PMEPA1: variants seen among roughly 807,000 people sequenced by gnomAD.
PMEPA1 encodes the protein prostate transmembrane protein, androgen induced 1.
PMEPA1 carries 11 observed loss-of-function variants against 23.0 expected under a neutral mutation model. The observed-to-expected ratio is 0.48, with a 90% confidence interval of 0.30 to 0.79. The LOEUF is 0.79. Ranked by LOEUF, PMEPA1 falls within the 30% of genes least tolerant of loss-of-function variation. PMEPA1 has a pLI of 0.06. For synonymous variants in PMEPA1, 204 were observed against 166.4 expected, an observed-to-expected ratio of 1.23 and a Z score of -1.74; for missense variants, 377 against 390.9, an observed-to-expected ratio of 0.96 and a Z score of 0.30.
chr20:57,660,415 C>T (rs781376643), intron 1 of PMEPA1, among the ~76,000 whole-genome samples: 2 of 150,316 alleles, frequency 1.3e-5, no homozygotes, highest in Non-Finnish European at 3.0e-5. Flanking sequence ...ACACCCAACA[C>T]TCCTACACAA....
At chr20:57,701,660 G>A (rs2072012938) in intron 1 of PMEPA1, among the ~76,000 whole-genome samples, 1 of 152,162 alleles carries the variant, frequency 6.6e-6, no homozygotes. Flanking sequence ...TGCTTTTCAG[G>A]TAACGGTCCT....
At position 57,704,828 on chromosome 20, in the gene PMEPA1, G is replaced by A. The variant is rs182355460; in HGVS notation, c.109+4646C>T. Among the ~76,000 whole-genome samples the A allele has an allele frequency of 9.5e-4, 144 of 152,312 alleles. 3 individuals are homozygous for A. The highest frequency in any genetic ancestry group is 3.4e-3 in the African/African-American group (142 of 41,574). ...CGTGGCTCTGGGGCAATTTGGTGGC[G>A]GGTGCATCTTGCAGCATGGAGGCTT... On this transcript the variant is annotated intron_variant, in intron 1 of 3. Coordinates refer to ENST00000341744, the MANE Select transcript of PMEPA1 (RefSeq NM_020182.5). The surrounding 1 kb of genome is among the most constrained non-coding windows in gnomAD (Gnocchi z 4.6).
At position 57,709,611 on chromosome 20, in the gene PMEPA1, C is replaced by T; in HGVS notation, c.-29G>A. Reference sequence around the variant, plus strand: ...CGGCGCGGCGGCGCGGCGCGGGGCGCGGGGGGCTCGGGGGCGGCCGGGGGG... The same window carrying T: ...CGGCGCGGCGGCGCGGCGCGGGGCGTGGGGGGCTCGGGGGCGGCCGGGGGG... On this transcript the variant is annotated 5_prime_UTR_variant, in exon 1 of 4. Transcript: ENST00000341744. 7.6e-6 allele frequency: 2 copies of T among 264,708 alleles called. No individual in the cohort carries two copies. Among genetic ancestry groups the T allele is most frequent in the Non-Finnish European group, 5.1e-6 (1 of 196,226 alleles). 16.4% of individuals were successfully genotyped at this position (264,708 alleles called of 1,614,324 possible).
chr20:57,659,505 G>C (rs781256648), intron 2 of PMEPA1, 38 bp downstream of exon 2: 8 of 1,599,826 alleles, frequency 5.0e-6, no homozygotes, highest in Non-Finnish European at 6.8e-6. Context: ...TCCCACTGCC[G>C]CACCCTCAGG....
rs370514299 is a variant in PMEPA1 at position 57,658,593 on chromosome 20, C to A, written c.264+950G>T. Among the ~76,000 whole-genome samples, 8 of 152,270 alleles carry A rather than the reference C, an allele frequency of 5.3e-5. No homozygotes were observed. In the East Asian group the frequency reaches 1.4e-3, roughly 26 times the overall value. ...CCAGACCCGTGCTCTGTGCTAAAGC[C>A]CTGAATCTCTGGGGAGGTGGATGTG... On this transcript the variant is annotated intron_variant, in intron 2 of 3. Coordinates refer to ENST00000341744, the MANE Select transcript of PMEPA1 (RefSeq NM_020182.5).
In PMEPA1 at chr20:57,702,320, C is replaced by T. The variant is rs150657951; in HGVS notation, c.109+7154G>A. ...ATTCCCCAGCTACTCCCCAAACCCC[C>T]GCCACGACATCTGTTGGTGCTGGTA... is the stretch of plus-strand genomic sequence containing the variant. On this transcript the variant is annotated intron_variant, in intron 1 of 3. Transcript: ENST00000341744. Among the ~76,000 whole-genome samples, 175 of 152,326 alleles carry T rather than the reference C, an allele frequency of 1.1e-3. 1 individual carries two copies. The Middle Eastern group carries it at 0.027, about 24-fold the overall frequency.
rs1600682738 is a variant in PMEPA1, at chr20:57,709,863, C to G, written c.-281G>C. 1 of 988,800 alleles carries G rather than the reference C, an allele frequency of 1.0e-6. No homozygotes were observed. The allele number at this position is 988,800 out of a possible 1,614,324, so 61.3% of individuals were successfully genotyped here. A position where few individuals can be genotyped will look rare whatever the true frequency, so the allele number is the denominator to read the frequency against. On this transcript the variant is annotated 5_prime_UTR_variant, in exon 1 of 4. Transcript: ENST00000341744. ...CGGAAAATGGGCTGGCAGCGGGGCG[C>G]GCGCTGCCGCCGGGGCTGAGCCTCT...
Position 57,709,853 on chromosome 20 carries a change from CAGCGGGGCGCG to C in PMEPA1, c.-282_-272del. 1.0e-6 allele frequency: 1 copy of C among 987,642 alleles called. No homozygotes were observed. The highest frequency in any genetic ancestry group is 1.2e-6 in the Non-Finnish European group (1 of 832,032). 61.2% of individuals were successfully genotyped at this position (987,642 alleles called of 1,614,324 possible). On this transcript the variant is annotated 5_prime_UTR_variant, in exon 1 of 4. Transcript: ENST00000341744. ...GGGTGGCGTCCGGAAAATGGGCTGG[CAGCGGGGCGCG>C]CGCTGCCGCCGGGGCTGAGCCTCTG...
intron 1 of PMEPA1, among the ~76,000 whole-genome samples, chr20:57,675,526 C>A (rs1383681641): frequency 6.6e-6 from 1 of 151,880 alleles, no homozygotes; most frequent in African/African-American, 2.4e-5. Context: ...CTCAGAGGCC[C>A]AGGAAGACCC....
chr20:57,653,301 C>T (rs2146635854), intron 2 of PMEPA1, among the ~76,000 whole-genome samples: 1 of 152,308 alleles, frequency 6.6e-6, no homozygotes, highest in Non-Finnish European at 1.5e-5. Context: ...GAGGTGCCCT[C>T]TGCTGTCCCC....
chr20:57,674,131 C>T (rs1381576706), intron 1 of PMEPA1, among the ~76,000 whole-genome samples: 1 of 152,152 alleles, frequency 6.6e-6, no homozygotes, highest in African/African-American at 2.4e-5. Flanking sequence ...GAAGCCCTGA[C>T]CCCTGGTGTG....
upstream of PMEPA1, chr20:57,710,463 T>C (rs1395264366): frequency 2.5e-6 from 4 of 1,608,384 alleles, no homozygotes; most frequent in Non-Finnish European, 3.4e-6. Context: ...GGATCACCCA[T>C]TGCCTGGTTT....
At chr20:57,691,270 C>A (rs2071878437) in intron 1 of PMEPA1, among the ~76,000 whole-genome samples, 2 of 152,180 alleles carry the variant, frequency 1.3e-5, no homozygotes, top group Non-Finnish European at 2.9e-5. Flanking sequence ...ATGGCAAATG[C>A]CACCCAGCCT....
Position 57,682,552 on chromosome 20 carries a change from G to A in PMEPA1, c.110-22855C>T, listed in dbSNP as rs939751285. Among the ~76,000 whole-genome samples the A allele has an allele frequency of 2.9e-4, 44 of 152,164 alleles. No homozygotes were observed. Among genetic ancestry groups the A allele is most frequent in the African/African-American group, 1.0e-3 (42 of 41,432 alleles). On this transcript the variant is annotated intron_variant, in intron 1 of 3. Coordinates refer to ENST00000341744, the MANE Select transcript of PMEPA1 (RefSeq NM_020182.5). The surrounding 1 kb of genome is among the most constrained non-coding windows in gnomAD (Gnocchi z 4.4). ...TAAAGAGGCTGCTGAATGCTACAGA[G>A]CAGGCTCCCGTGCCCACCGCCCCAC... is the stretch of plus-strand genomic sequence containing the variant.
At chr20:57,696,995 T>C (rs1298231622) in intron 1 of PMEPA1, among the ~76,000 whole-genome samples, 2 of 152,222 alleles carry the variant, frequency 1.3e-5, no homozygotes, top group Non-Finnish European at 2.9e-5. Context: ...CACCCTTGGA[T>C]GCTGCTTCAC....
At chr20:57,673,122 G>C (rs2071591816) in intron 1 of PMEPA1, among the ~76,000 whole-genome samples, 1 of 152,148 alleles carries the variant, frequency 6.6e-6, no homozygotes, top group African/African-American at 2.4e-5. Flanking sequence ...CCCTGACTGT[G>C]GTCCAAGCCT....
At position 57,655,305 on chromosome 20, in the gene PMEPA1, C is replaced by T. The variant is rs542695099; in HGVS notation, c.265-2219G>A. 1.3e-5 allele frequency among the ~76,000 whole-genome samples: 2 copies of T among 152,278 alleles called. No homozygotes were observed. The highest frequency in any genetic ancestry group is 1.3e-4 in the Admixed American group (2 of 15,302). ...TAACCCCAGAGCTCTCCGTTAGCCC[C>T]CCAGGCGGGTCAGGCACCTCCTCCC... On this transcript the variant is annotated intron_variant, in intron 2 of 3. Coordinates refer to ENST00000341744, the MANE Select transcript of PMEPA1 (RefSeq NM_020182.5). The surrounding 1 kb of genome is among the most constrained non-coding windows in gnomAD (Gnocchi z 4.2).
intron 1 of PMEPA1, among the ~76,000 whole-genome samples, chr20:57,696,526 T>TAG (rs1406101499): frequency 2.6e-4 from 39 of 152,218 alleles, no homozygotes; most frequent in African/African-American, 8.7e-4. Context: ...CCATGAGGAT[T>TAG]AGTGAGACAG....
At chr20:57,679,475 T>C (rs972167947) in intron 1 of PMEPA1, among the ~76,000 whole-genome samples, 50 of 152,334 alleles carry the variant, frequency 3.3e-4, no homozygotes, top group African/African-American at 1.2e-3. Flanking sequence ...ACGGCACACA[T>C]CAGACCTGCT....
Sources: allele counts gnomAD v4.1 joint callset (sites outside exome capture counted in the v4.1 genomes callset), GRCh38; gene constraint gnomAD v4.1.1; non-coding constraint Gnocchi (gnomAD v3.1); transcripts MANE v1.5; gene names NCBI Gene and HGNC (gene_info 2026-07-23, HGNC 2026-07-21).